DNAH11: variants seen among roughly 807,000 people sequenced by gnomAD.
DNAH11 encodes the protein axonemal beta dynein heavy chain 11.
A neutral mutation model predicts 526.0 loss-of-function variants in DNAH11; 442 were observed. That is an observed-to-expected ratio of 0.84 (90% CI 0.78 to 0.91). The LOEUF (loss-of-function observed/expected upper bound fraction) is 0.91, where lower values mean the gene tolerates loss of function less well. DNAH11 is among the 40% of genes least tolerant of loss of function. DNAH11 has a pLI of 0.00. For synonymous variants in DNAH11, 2,461 were observed against 1,935.9 expected (o/e 1.27, Z -7.12); for missense variants, 6,989 against 5,448.7 (o/e 1.28, Z -8.90).
chr7:21,793,988 A>G (rs532541393), intron 61 of DNAH11, among the ~76,000 whole-genome samples: 74 of 152,252 alleles, frequency 4.9e-4, no homozygotes, highest in African/African-American at 1.8e-3. Context: ...TGTATTTTCA[A>G]ATAGCCTGTC....
rs1188147594 is a variant in DNAH11, at chr7:21,687,485, A to T, written c.5882A>T (p.Gln1961Leu). 1.2e-6 allele frequency: 2 copies of T among 1,613,818 alleles called. No homozygotes were observed. The highest frequency in any genetic ancestry group is 4.5e-5 in the East Asian group (2 of 44,874). The change falls in exon 34 of 82, where the codon CAA becomes CTA. Residue 1961 changes from glutamine to leucine, a missense_variant. Transcript: ENST00000409508. Reference protein sequence around the residue: ...SVEVLSVVAVQVKMIHDAIRN... With the variant: ...SVEVLSVVAVLVKMIHDAIRN... ...GAAGTTCTGTCAGTGGTGGCAGTAC[A>T]AGTGAAAATGATTCATGATGCCATC...
chr7:21,850,759 G>A (rs997489505), intron 66 of DNAH11, among the ~76,000 whole-genome samples: 24 of 151,910 alleles, frequency 1.6e-4, no homozygotes, highest in Admixed American at 1.2e-3. Flanking sequence ...TAGGAGTTAC[G>A]GCTGTGTCTC....
At chr7:21,691,777 C>G (rs1783642569) in intron 35 of DNAH11, among the ~76,000 whole-genome samples, 1 of 152,176 alleles carries the variant, frequency 6.6e-6, no homozygotes, top group African/African-American at 2.4e-5. Context: ...TAGTCCCTCT[C>G]ATGCCTTGTT....
chr7:21,646,782 C>T (rs1787371863), intron 28 of DNAH11, among the ~76,000 whole-genome samples: 1 of 152,276 alleles, frequency 6.6e-6, no homozygotes, highest in African/African-American at 2.4e-5. Context: ...CTGCTCTAGT[C>T]CCACCAAACA....
At chr7:21,829,413 A>G (rs1416863154) in intron 65 of DNAH11, among the ~76,000 whole-genome samples, 1 of 152,216 alleles carries the variant, frequency 6.6e-6, no homozygotes, top group Admixed American at 6.5e-5. Context: ...ATAATACAAT[A>G]TCTTAGGAAA....
At chr7:21,721,824 T>G (rs1466536158) in intron 44 of DNAH11, among the ~76,000 whole-genome samples, 1 of 152,130 alleles carries the variant, frequency 6.6e-6, no homozygotes, top group Non-Finnish European at 1.5e-5. Flanking sequence ...TTCAAATTGG[T>G]CTCCCTCTCT....
intron 18 of DNAH11, 131 bp from the exon 19 acceptor site, chr7:21,606,295 C>A: frequency 1.3e-6 from 1 of 746,112 alleles, no homozygotes. Flanking sequence ...TGCACTCCAG[C>A]CTAGGGGATA....
intron 29 of DNAH11, among the ~76,000 whole-genome samples, chr7:21,656,697 A>G (rs1782029033): frequency 6.6e-6 from 1 of 152,162 alleles, no homozygotes; most frequent in Non-Finnish European, 1.5e-5. Context: ...TGTCTAGTGG[A>G]GAACCATTTG....
intron 32 of DNAH11, among the ~76,000 whole-genome samples, chr7:21,686,438 T>C (rs1282428414): frequency 6.6e-6 from 1 of 152,218 alleles, no homozygotes; most frequent in Non-Finnish European, 1.5e-5. Flanking sequence ...GCTATTTGTT[T>C]TGTCTTCTTT....
Position 21,710,693 on chromosome 7 carries a change from A to G in DNAH11, c.6824A>G (p.Asp2275Gly), listed in dbSNP as rs1784433237. The change falls in exon 41 of 82, where the codon GAT becomes GGT. Residue 2275 changes from aspartate (D) to glycine (G), a missense_variant. Physicochemically the swap from Asp to Gly is moderately conservative, Grantham distance 94 (BLOSUM62 -1). Coordinates refer to ENST00000409508, the MANE Select transcript of DNAH11 (RefSeq NM_001277115.2). ...MWIESLNTVM[D>G]DNKVLTLASN... ...ATTGAATCACTGAATACTGTAATGG[A>G]TGATAACAAGGTGAATAAAACCTCT... 1 of 1,611,944 alleles carries G rather than the reference A, an allele frequency of 6.2e-7. No homozygotes were observed.
At chr7:21,731,486 T>C (rs1221853726) in intron 45 of DNAH11, among the ~76,000 whole-genome samples, 2 of 152,214 alleles carry the variant, frequency 1.3e-5, no homozygotes, top group Non-Finnish European at 2.9e-5. Flanking sequence ...TAGACCTAGA[T>C]ACACCAATAT....
rs59727118 is a variant in DNAH11 at position 21,594,063 on chromosome 7, T to TACACACACACACACACACAC, written c.2667+2503_2667+2522dup. On this transcript the variant is annotated intron_variant, in intron 14 of 81. Coordinates refer to ENST00000409508, the MANE Select transcript of DNAH11 (RefSeq NM_001277115.2). ...TCATGCACACTCTTTCATACACACA[T>TACACACACACACACACACAC]ACACACACACACACACACACACACA... Among the ~76,000 whole-genome samples, 11 of 137,616 alleles carry TACACACACACACACACACAC rather than the reference T, an allele frequency of 8.0e-5. No individual in the cohort carries two copies. In the South Asian group the frequency reaches 1.0e-3, roughly 13 times the overall value. The allele number at this position is 137,616 out of a possible 152,430, so 90.3% of individuals were successfully genotyped here.
Position 21,861,940 on chromosome 7 carries a change from A to C in DNAH11, c.11290A>C (p.Ile3764Leu). ...ACGCATCTCTATCCTGATGGAGAGCATCACCCATGCTGTCTTCCTCTACAC... is the reference window on the plus strand; with the variant it reads ...ACGCATCTCTATCCTGATGGAGAGCCTCACCCATGCTGTCTTCCTCTACAC... Reference protein sequence around the residue: ...QGRISILMESITHAVFLYTSQ... With the variant: ...QGRISILMESLTHAVFLYTSQ... Residue 3764 changes from isoleucine (I) to leucine (L), a missense_variant, in exon 69 of 82, where the codon ATC (isoleucine) becomes CTC (leucine). Transcript: ENST00000409508. 6.2e-7 allele frequency: 1 copy of C among 1,613,810 alleles called. No individual in the cohort carries two copies. Among genetic ancestry groups the C allele is most frequent in the East Asian group, 2.2e-5 (1 of 44,852 alleles).
chr7:21,719,230 A>C (rs1450137784), intron 43 of DNAH11, among the ~76,000 whole-genome samples: 1 of 152,322 alleles, frequency 6.6e-6, no homozygotes, highest in Non-Finnish European at 1.5e-5. Flanking sequence ...TGTGGTTACT[A>C]ATAAGTATGG....
chr7:21,774,497 C>T (rs1278964036), intron 56 of DNAH11, among the ~76,000 whole-genome samples: 2 of 152,128 alleles, frequency 1.3e-5, no homozygotes, highest in Non-Finnish European at 2.9e-5. Flanking sequence ...CCTGCTCCCT[C>T]GAAGGGCGAT....
intron 46 of DNAH11, among the ~76,000 whole-genome samples, chr7:21,737,359 A>G (rs1171943789): frequency 6.6e-6 from 1 of 152,246 alleles, no homozygotes; most frequent in African/African-American, 2.4e-5. Context: ...TTTCTGGAAC[A>G]TGGGACTTGT....
At chr7:21,759,339 T>C (rs1315469283) in intron 54 of DNAH11, among the ~76,000 whole-genome samples, 4 of 152,230 alleles carry the variant, frequency 2.6e-5, no homozygotes, top group African/African-American at 7.2e-5. Flanking sequence ...AATGAGTTTA[T>C]TGTGTGCTAT....
rs553833692 is a variant in DNAH11, at chr7:21,691,371, G to T, written c.6041+490G>T. Among the ~76,000 whole-genome samples, 417 of 151,406 alleles carry T rather than the reference G, an allele frequency of 2.8e-3. 1 individual carries two copies. Among genetic ancestry groups the T allele is most frequent in the African/African-American group, 9.7e-3 (399 of 41,280 alleles). On this transcript the variant is annotated intron_variant, in intron 35 of 81. Coordinates refer to ENST00000409508, the MANE Select transcript of DNAH11 (RefSeq NM_001277115.2). ...GGGCTGGGGTGGGGGGAGCAGGAGG[G>T]CATGGCAGCTGCTGGCTCTGTCCTC...
rs1583643015 is a variant in DNAH11, at chr7:21,735,916, G to T, written c.7645+72G>T. ...CAAGGCGGGCACATGCAGCCCAAAA[G>T]ACTAATAATGCCTTTCCCTAGAATT... On this transcript the variant is annotated intron_variant, in intron 46 of 81. Coordinates refer to ENST00000409508, the MANE Select transcript of DNAH11 (RefSeq NM_001277115.2). 5 of 1,353,448 alleles carry T rather than the reference G, an allele frequency of 3.7e-6. No homozygotes were observed. The East Asian group carries it at 1.2e-4, about 31-fold the overall frequency. 83.8% of individuals were successfully genotyped at this position (1,353,448 alleles called of 1,614,324 possible). A position where few individuals can be genotyped will look rare whatever the true frequency, so the allele number is the denominator to read the frequency against.
Sources: gnomAD v4.1 joint callset for allele counts (sites outside exome capture counted in the v4.1 genomes callset) on GRCh38, gnomAD v4.1.1 for gene constraint, MANE v1.5 for transcripts, NCBI Gene and HGNC (gene_info 2026-07-23, HGNC 2026-07-21) for gene names.